Variants in DGKB observed in about 807,000 individuals in gnomAD.
The protein encoded by DGKB is diacylglycerol kinase beta.
DGKB carries 67 observed loss-of-function variants against 114.3 expected under a neutral mutation model. The ratio of observed to expected loss-of-function variants is 0.59; its 90% confidence interval spans 0.48 to 0.72. DGKB has a LOEUF of 0.72. Among genes scored for constraint, DGKB ranks in the 30% least tolerant of loss-of-function variants. DGKB has a pLI of 0.00. For synonymous variants in DGKB, 398 were observed against 323.1 expected (o/e 1.23, Z -2.49); for missense variants, 907 against 975.2 (o/e 0.93, Z 0.93).
intron 21 of DGKB, among the ~76,000 whole-genome samples, chr7:14,412,550 T>A (rs1035331338): frequency 2.6e-5 from 4 of 151,842 alleles, no homozygotes; most frequent in South Asian, 2.1e-4. Flanking sequence ...GCTCAGGGAG[T>A]CTGGAAAGGC....
rs138234465 is a variant in DGKB at position 14,930,776 on chromosome 7, C to T, written c.-188+43920G>A. On this transcript the variant is annotated intron_variant, in intron 1 of 4. Coordinates refer to the DGKB transcript ENST00000437998. ...GAGTGGTGAGAATGGGCATCCTTGA[C>T]TTGTTCCAGTTCTTAGAGGGAATGA... Among the ~76,000 whole-genome samples, 16 of 152,228 alleles carry T rather than the reference C, an allele frequency of 1.1e-4. No individual in the cohort carries two copies. In the East Asian group the frequency reaches 2.3e-3, roughly 22 times the overall value.
At chr7:14,893,278 T>C (rs1178729908) in intron 1 of DGKB, among the ~76,000 whole-genome samples, 3 of 151,344 alleles carry the variant, frequency 2.0e-5, no homozygotes, top group Non-Finnish European at 4.4e-5. Flanking sequence ...CCAATGAGTA[T>C]GTTTTAGTTC....
At chr7:14,551,715 G>A (rs778737006) in intron 20 of DGKB, among the ~76,000 whole-genome samples, 40 of 152,100 alleles carry the variant, frequency 2.6e-4, no homozygotes, top group Non-Finnish European at 5.3e-4. Context: ...AAGAGGTGGG[G>A]AAGATAATTC....
At chr7:14,697,989 GAAAGAAAA>G (rs912957694) in intron 8 of DGKB, 98 bp downstream of exon 8, 8 of 640,814 alleles carry the variant, frequency 1.2e-5, no homozygotes, top group African/African-American at 2.3e-5. Flanking sequence ...AAGAGAGAGA[GAAAGAAAA>G]AAAGAAAGAA....
chr7:14,933,498 A>G (rs564155565), intron 1 of DGKB, among the ~76,000 whole-genome samples: 1 of 152,270 alleles, frequency 6.6e-6, no homozygotes, highest in East Asian at 1.9e-4. Flanking sequence ...TTTCATTGAC[A>G]TTTGTATCTC....
intron 21 of DGKB, among the ~76,000 whole-genome samples, chr7:14,380,579 TTA>T (rs1819283955): frequency 6.6e-6 from 1 of 152,184 alleles, no homozygotes; most frequent in Non-Finnish European, 1.5e-5. Flanking sequence ...AAATATATAA[TTA>T]TGTGGTTAAT....
chr7:14,246,288 T>C (rs1794463410), intron 23 of DGKB, among the ~76,000 whole-genome samples: 1 of 152,208 alleles, frequency 6.6e-6, no homozygotes, highest in South Asian at 2.1e-4. Context: ...ATCTAATCTG[T>C]AACAGGACTT....
intron 20 of DGKB, among the ~76,000 whole-genome samples, chr7:14,527,313 A>T (rs1380962869): frequency 2.0e-5 from 3 of 152,138 alleles, no homozygotes; most frequent in Non-Finnish European, 4.4e-5. Flanking sequence ...CAGAATTGGG[A>T]ATTTATTTAG....
Position 14,602,894 on chromosome 7 carries a change from G to C in DGKB, c.1433+4540C>G, listed in dbSNP as rs569503131. On this transcript the variant is annotated intron_variant, in intron 17 of 25. Coordinates refer to ENST00000402815, the MANE Select transcript of DGKB (RefSeq NM_001350709.2). ...TAGAGTGTTTCAGCAATTTTGATAGGCAATAATCTTTAAACAGTGACACAC... is the reference window on the plus strand; with the variant it reads ...TAGAGTGTTTCAGCAATTTTGATAGCCAATAATCTTTAAACAGTGACACAC... Among the ~76,000 whole-genome samples, 9 of 152,236 alleles carry C rather than the reference G, an allele frequency of 5.9e-5. No individual in the cohort carries two copies. In the East Asian group the frequency reaches 1.7e-3, roughly 29 times the overall value.
At chr7:14,740,733 A>C (rs936844404) in intron 4 of DGKB, among the ~76,000 whole-genome samples, 1 of 152,038 alleles carries the variant, frequency 6.6e-6, no homozygotes, top group Non-Finnish European at 1.5e-5. Context: ...TAGGGAACTC[A>C]AAGGCTACTT....
chr7:14,374,463 C>T (rs376218695), intron 21 of DGKB, among the ~76,000 whole-genome samples: 2 of 152,170 alleles, frequency 1.3e-5, no homozygotes, highest in African/African-American at 4.8e-5. Context: ...CTGAAACTTC[C>T]ATTAGAATCA....
At chr7:14,255,355 G>C (rs1192940171) in intron 23 of DGKB, among the ~76,000 whole-genome samples, 1 of 152,134 alleles carries the variant, frequency 6.6e-6, no homozygotes, top group Non-Finnish European at 1.5e-5. Context: ...GCAATCAGCA[G>C]AGTCAATATG....
At chr7:14,362,218 C>G (rs372998632) in intron 21 of DGKB, among the ~76,000 whole-genome samples, 5 of 151,956 alleles carry the variant, frequency 3.3e-5, no homozygotes, top group Non-Finnish European at 7.4e-5. Context: ...ACTGTTCTTA[C>G]CTATAAGTTT....
intron 8 of DGKB, among the ~76,000 whole-genome samples, chr7:14,696,320 C>G (rs186959885): frequency 6.6e-6 from 1 of 151,276 alleles, no homozygotes; most frequent in East Asian, 2.0e-4. Flanking sequence ...GGTGAAACCC[C>G]GTCTCTACTA....
At chr7:14,633,427 A>T (rs1810120274) in intron 13 of DGKB, among the ~76,000 whole-genome samples, 1 of 151,940 alleles carries the variant, frequency 6.6e-6, no homozygotes, top group South Asian at 2.1e-4. Context: ...CAAAACCAAC[A>T]TATATCTAAC....
intron 25 of DGKB, among the ~76,000 whole-genome samples, chr7:14,155,022 C>T (rs916399542): frequency 2.0e-5 from 3 of 152,048 alleles, no homozygotes; most frequent in African/African-American, 7.2e-5. Flanking sequence ...CCCGGTCCCA[C>T]CCCAGATCTT....
At chr7:14,916,647 A>G (rs1370323279) in intron 1 of DGKB, among the ~76,000 whole-genome samples, 3 of 152,088 alleles carry the variant, frequency 2.0e-5, no homozygotes, top group African/African-American at 7.2e-5. Flanking sequence ...AAAGAACATG[A>G]GGCAAAAAAT....
intron 23 of DGKB, among the ~76,000 whole-genome samples, chr7:14,320,871 A>T (rs1191178098): frequency 6.6e-6 from 1 of 152,216 alleles, no homozygotes; most frequent in Non-Finnish European, 1.5e-5. Context: ...ATTCATGACC[A>T]TTCTCATGAA....
chr7:14,314,616 G>T (rs944423277), intron 23 of DGKB, among the ~76,000 whole-genome samples: 3 of 152,194 alleles, frequency 2.0e-5, no homozygotes, highest in African/African-American at 7.2e-5. Context: ...AAGCCTCCAA[G>T]AACTACGGGA....
Sources: gnomAD v4.1 joint callset for allele counts (sites outside exome capture counted in the v4.1 genomes callset) on GRCh38, gnomAD v4.1.1 for gene constraint, MANE v1.5 for transcripts, NCBI Gene and HGNC (gene_info 2026-07-23, HGNC 2026-07-21) for gene names.